The following BNC2 variants were observed in gnomAD, a reference collection of about 807,000 sequenced individuals.
BNC2 encodes basonuclin zinc finger protein 2, also known as zinc finger protein basonuclin-2.
BNC2 carries 20 observed loss-of-function variants against 76.3 expected under a neutral mutation model. That is an observed-to-expected ratio of 0.26 (90% CI 0.18 to 0.38). BNC2 has a LOEUF of 0.38. Among genes scored for constraint, BNC2 ranks in the 10% least tolerant of loss-of-function variants. BNC2 has a pLI of 1.00. For synonymous variants in BNC2, 582 were observed against 514.8 expected (o/e 1.13, Z -1.77); for missense variants, 1,382 against 1,399.8 (o/e 0.99, Z 0.20).
chr9:16,585,691 T>C (rs1349099739), intron 3 of BNC2, among the ~76,000 whole-genome samples: 1 of 152,164 alleles, frequency 6.6e-6, no homozygotes, highest in Non-Finnish European at 1.5e-5. Flanking sequence ...ACTGGCCAAC[T>C]CACCCACACG....
intron 5 of BNC2, among the ~76,000 whole-genome samples, chr9:16,511,420 CTTTTTTTTTTTTT>C (rs758039548): frequency 1.4e-5 from 1 of 69,480 alleles, no homozygotes; most frequent in African/African-American, 6.0e-5. Context: ...AATAAATTTA[CTTTTTTTTTTTTT>C]TTTTTTTTTT....
chr9:16,843,564 C>T (rs930755550), intron 1 of BNC2, among the ~76,000 whole-genome samples: 30 of 152,346 alleles, frequency 2.0e-4, no homozygotes, highest in African/African-American at 6.7e-4. Context: ...CAACTCCTGA[C>T]CTCAAGTGAT....
intron 3 of BNC2, among the ~76,000 whole-genome samples, chr9:16,677,578 A>AACACACACACACACAC (rs57587457): frequency 0.026 from 3,553 of 139,256 alleles, 118 homozygotes; most frequent in East Asian, 0.12. Context: ...GTCTCAAACA[A>AACACACACACACACAC]ACACACACAC....
intron 4 of BNC2, among the ~76,000 whole-genome samples, chr9:16,576,032 A>G (rs971888307): frequency 1.3e-5 from 2 of 152,208 alleles, no homozygotes; most frequent in Non-Finnish European, 2.9e-5. Context: ...TTCTGAACAA[A>G]GCCCTAGAAA....
At position 16,560,908 on chromosome 9, in the gene BNC2, C is replaced by T. The variant is rs117850705; in HGVS notation, c.434-8143G>A. Among the ~76,000 whole-genome samples the T allele has an allele frequency of 1.4e-3, 220 of 152,240 alleles. 4 individuals are homozygous for T. The East Asian group carries it at 0.038, about 26-fold the overall frequency. ...TGGCCACAGAGCCAGAACCAACCAA[C>T]GCAGGAAAGTTCAGAAGTAAGAGGG... On this transcript the variant is annotated intron_variant, in intron 4 of 6. Coordinates refer to ENST00000380672, the MANE Select transcript of BNC2 (RefSeq NM_017637.6).
At chr9:16,674,207 G>T (rs1822568497) in intron 3 of BNC2, among the ~76,000 whole-genome samples, 1 of 152,194 alleles carries the variant, frequency 6.6e-6, no homozygotes, top group South Asian at 2.1e-4. Context: ...TAATCACAGT[G>T]AGGGTCTGGA....
chr9:16,664,172 T>C (rs1406783919), intron 3 of BNC2, among the ~76,000 whole-genome samples: 1 of 152,186 alleles, frequency 6.6e-6, no homozygotes, highest in Admixed American at 6.5e-5. Context: ...TCAGTATTCA[T>C]TTCATCTCAA....
At chr9:16,859,496 A>G (rs1819343291) in intron 1 of BNC2, among the ~76,000 whole-genome samples, 1 of 152,258 alleles carries the variant, frequency 6.6e-6, no homozygotes, top group Non-Finnish European at 1.5e-5. Context: ...TATACATATG[A>G]TGAAATATTA....
chr9:16,595,051 C>T (rs759714907), intron 3 of BNC2, among the ~76,000 whole-genome samples: 1 of 152,060 alleles, frequency 6.6e-6, no homozygotes, highest in Non-Finnish European at 1.5e-5. Context: ...AAAAGTGGTA[C>T]ACTTTTAAAT....
At chr9:16,777,743 T>C (rs934795646) in intron 1 of BNC2, among the ~76,000 whole-genome samples, 1 of 149,500 alleles carries the variant, frequency 6.7e-6, no homozygotes, top group African/African-American at 2.4e-5. Context: ...AAAAAGCATG[T>C]CAGAATCACG....
rs537508776 is a variant in BNC2 at position 16,424,069 on chromosome 9, T to C, written c.2640-4420A>G. Among the ~76,000 whole-genome samples the C allele has an allele frequency of 2.6e-5, 4 of 152,198 alleles. No individual in the cohort carries two copies. In the South Asian group the frequency reaches 8.3e-4, roughly 32 times the overall value. On this transcript the variant is annotated intron_variant, in intron 6 of 6. Transcript: ENST00000380672. ...CCATGCAACCACAGAAGACATGAAA[T>C]CCATCAAACGTAGTCAAGTAAGTGC... is the stretch of plus-strand genomic sequence containing the variant.
intron 3 of BNC2, among the ~76,000 whole-genome samples, chr9:16,678,585 G>A (rs1052179824): frequency 6.6e-6 from 1 of 151,276 alleles, no homozygotes; most frequent in Non-Finnish European, 1.5e-5. Flanking sequence ...TTCTGACAGA[G>A]GTATTACCTA....
At chr9:16,520,487 G>A (rs977215235) in intron 5 of BNC2, among the ~76,000 whole-genome samples, 2 of 152,200 alleles carry the variant, frequency 1.3e-5, no homozygotes, top group African/African-American at 4.8e-5. Flanking sequence ...CAATATTGCA[G>A]GTAGTTGCAT....
chr9:16,802,047 C>T (rs900975010), intron 1 of BNC2, among the ~76,000 whole-genome samples: 6 of 152,206 alleles, frequency 3.9e-5, no homozygotes, highest in Non-Finnish European at 7.4e-5. Flanking sequence ...ACGCCTGCTT[C>T]GTATCCAAAA....
At chr9:16,818,414 T>G (rs1353075662) in intron 1 of BNC2, among the ~76,000 whole-genome samples, 1 of 151,992 alleles carries the variant, frequency 6.6e-6, no homozygotes, top group East Asian at 1.9e-4. Context: ...AAAAAAAAAT[T>G]AAACCCAAAA....
intron 1 of BNC2, among the ~76,000 whole-genome samples, chr9:16,788,442 A>G (rs1027240435): frequency 4.0e-5 from 6 of 151,280 alleles, no homozygotes; most frequent in Non-Finnish European, 8.8e-5. Flanking sequence ...AATTCCAGCT[A>G]CTCGGGAGGC....
intron 3 of BNC2, among the ~76,000 whole-genome samples, chr9:16,722,316 T>C (rs915500879): frequency 6.6e-6 from 1 of 152,230 alleles, no homozygotes; most frequent in Non-Finnish European, 1.5e-5. Flanking sequence ...CAGGGAGGAT[T>C]TGCCGTGGCT....
intron 5 of BNC2, among the ~76,000 whole-genome samples, chr9:16,471,492 C>T (rs574064406): frequency 6.6e-6 from 1 of 152,216 alleles, no homozygotes; most frequent in African/African-American, 2.4e-5. Context: ...CAGGGTTTCA[C>T]TATGTTGGCC....
At chr9:16,647,321 G>A (rs1821659752) in intron 3 of BNC2, among the ~76,000 whole-genome samples, 2 of 152,098 alleles carry the variant, frequency 1.3e-5, no homozygotes, top group Non-Finnish European at 2.9e-5. Flanking sequence ...AGTCTGCACA[G>A]AGAATTGGCG....
Sources: allele counts gnomAD v4.1 joint callset (sites outside exome capture counted in the v4.1 genomes callset), GRCh38; gene constraint gnomAD v4.1.1; transcripts MANE v1.5; gene names NCBI Gene and HGNC (gene_info 2026-07-23, HGNC 2026-07-21).